The following FMN1 variants were observed in gnomAD, a reference collection of about 807,000 sequenced individuals.
FMN1 encodes the protein formin 1, also known as formin-1.
Under a neutral mutation model 132.4 loss-of-function variants are expected in FMN1, and 110 were observed. The ratio of observed to expected loss-of-function variants is 0.83; its 90% CI spans 0.71 to 0.97. FMN1 has a LOEUF of 0.97. Among genes scored for constraint, FMN1 ranks in the 50% least tolerant of loss-of-function variants. FMN1 has a pLI of 0.00. For synonymous variants in FMN1, 722 were observed against 651.7 expected, an observed-to-expected ratio of 1.11 and a Z score of -1.64; for missense variants, 1,792 against 1,705.3, an observed-to-expected ratio of 1.05 and a Z score of -0.90.
chr15:32,891,079 T>C (rs2060016534), intron 15 of FMN1, among the ~76,000 whole-genome samples: 1 of 152,214 alleles, frequency 6.6e-6, no homozygotes, highest in South Asian at 2.1e-4. Context: ...GGTTTTCTGT[T>C]CTGTTCCATT....
chr15:32,919,011 G>A (rs1356553063), intron 10 of FMN1, among the ~76,000 whole-genome samples: 2 of 152,118 alleles, frequency 1.3e-5, no homozygotes, highest in Admixed American at 1.3e-4. Context: ...AAAAAATTTA[G>A]CTCTACCTAT....
intron 17 of FMN1, among the ~76,000 whole-genome samples, chr15:32,851,487 G>C (rs995017365): frequency 1.7e-4 from 26 of 152,128 alleles, no homozygotes; most frequent in Non-Finnish European, 3.5e-4. Flanking sequence ...GGGAAAGCAG[G>C]AGCTCACAAA....
chr15:33,113,824 G>A (rs984669626), intron 4 of FMN1, among the ~76,000 whole-genome samples: 11 of 152,152 alleles, frequency 7.2e-5, no homozygotes, highest in African/African-American at 1.9e-4. Flanking sequence ...GGCCCCTGAG[G>A]TACCAGCACA....
chr15:33,181,130 A>T (rs1408659027), intron 2 of FMN1, among the ~76,000 whole-genome samples: 2 of 151,968 alleles, frequency 1.3e-5, no homozygotes, highest in Non-Finnish European at 2.9e-5. Context: ...TGATTTTTCC[A>T]GCTTAATTTT....
chr15:32,982,403 C>G (rs2032751041), intron 7 of FMN1, among the ~76,000 whole-genome samples: 1 of 152,172 alleles, frequency 6.6e-6, no homozygotes, highest in African/African-American at 2.4e-5. Flanking sequence ...AACTATCGAT[C>G]CCACTCCTAC....
intron 4 of FMN1, among the ~76,000 whole-genome samples, chr15:33,124,564 G>A (rs1017074866): frequency 5.3e-5 from 8 of 152,158 alleles, no homozygotes; most frequent in African/African-American, 1.9e-4. Context: ...AGTCATCGGA[G>A]TAGGAAAGCC....
chr15:32,924,238 G>A (rs1276842150), intron 10 of FMN1, among the ~76,000 whole-genome samples: 2 of 151,992 alleles, frequency 1.3e-5, no homozygotes, highest in Admixed American at 6.6e-5. Context: ...CTGTATCTGA[G>A]GTTTCATATT....
intron 12 of FMN1, among the ~76,000 whole-genome samples, chr15:32,902,479 C>A (rs1340169540): frequency 8.4e-6 from 1 of 119,198 alleles, no homozygotes; most frequent in African/African-American, 4.2e-5. Context: ...TGTCTACAGA[C>A]AAGTGATTTA....
chr15:33,072,095 C>A (rs552861751), intron 5 of FMN1, among the ~76,000 whole-genome samples: 2 of 152,064 alleles, frequency 1.3e-5, no homozygotes, highest in Non-Finnish European at 2.9e-5. Flanking sequence ...AACAAAAAAA[C>A]AACCTTATAC....
intron 17 of FMN1, among the ~76,000 whole-genome samples, chr15:32,855,318 T>C (rs529768246): frequency 1.3e-5 from 2 of 152,084 alleles, no homozygotes; most frequent in African/African-American, 4.8e-5. Context: ...AGAACCACTG[T>C]TTTAGGACTT....
chr15:33,168,255 A>G (rs1965184900), intron 3 of FMN1, among the ~76,000 whole-genome samples: 1 of 152,204 alleles, frequency 6.6e-6, no homozygotes, highest in Admixed American at 6.5e-5. Context: ...GAAATAATGA[A>G]TCTGTTATGG....
chr15:32,869,304 G>A (rs1031021055), intron 16 of FMN1, among the ~76,000 whole-genome samples: 4 of 152,102 alleles, frequency 2.6e-5, no homozygotes, highest in African/African-American at 9.7e-5. Flanking sequence ...TCAGGTGAAC[G>A]GTGAAAAGGC....
rs2038255178 is a variant in FMN1, at chr15:33,077,366, TA to T, written c.2043+11432del. Among the ~76,000 whole-genome samples the T allele has an allele frequency of 2.1e-5, 2 of 94,628 alleles. 1 individual carries two copies. The highest frequency in any genetic ancestry group is 6.2e-5 in the African/African-American group (2 of 32,506). The allele number at this position is 94,628 out of a possible 152,430, so 62.1% of individuals were successfully genotyped here. A position where few individuals can be genotyped will look rare whatever the true frequency, so the allele number is the denominator to read the frequency against. On this transcript the variant is annotated intron_variant, in intron 5 of 20. Transcript: ENST00000616417. ...TTTTTTTTTTTTTAATATATATATA[TA>T]TATTTTTTTTATTATACTTTAAGTT... is the stretch of plus-strand genomic sequence containing the variant.
At chr15:33,057,614 C>T (rs2037277229) in intron 6 of FMN1, among the ~76,000 whole-genome samples, 1 of 152,162 alleles carries the variant, frequency 6.6e-6, no homozygotes, top group Non-Finnish European at 1.5e-5. Flanking sequence ...TGCTCAAACC[C>T]ATGAACCCCT....
At chr15:32,960,570 G>A (rs868402684) in intron 9 of FMN1, among the ~76,000 whole-genome samples, 40 of 152,060 alleles carry the variant, frequency 2.6e-4, no homozygotes, top group African/African-American at 8.7e-4. Flanking sequence ...GAAGTCAGTG[G>A]GAAAATCTGA....
intron 14 of FMN1, chr15:32,899,669 C>G (rs1256253526): frequency 5.4e-6 from 2 of 369,032 alleles, no homozygotes; most frequent in Non-Finnish European, 9.7e-6. Context: ...TTTGCAGGAT[C>G]CTGGTACTGT....
chr15:32,968,996 G>T lies in FMN1; in HGVS notation c.2705C>A (p.Pro902Gln). 4.4e-6 allele frequency: 5 copies of T among 1,131,560 alleles called. No individual in the cohort carries two copies. Among genetic ancestry groups the T allele is most frequent in the Non-Finnish European group, 6.4e-6 (5 of 786,524 alleles). 70.1% of individuals were successfully genotyped at this position (1,131,560 alleles called of 1,614,324 possible). The change falls in exon 8 of 21, where the codon CCG becomes CAG. Residue 902 changes from proline (P) to glutamine (Q), a missense_variant. Physicochemically the swap from Pro to Gln is moderately conservative, Grantham distance 76. Around this residue, in one of 3 missense-constraint regions of FMN1, gnomAD observed 1,150 missense variants for 1,043.1 expected, o/e 1.10. Coordinates refer to ENST00000616417, the MANE Select transcript of FMN1 (RefSeq NM_001277313.2). ...PPMPPVSAGP[P>Q]LPPPPPPPPP... ...CGGTGGAGGAGGCGGAGGTGGTAGC[G>T]GTGGCCCAGCACTCACAGGTGGCAT...
intron 4 of FMN1, among the ~76,000 whole-genome samples, chr15:33,090,507 CA>C (rs1229449562): frequency 1.3e-5 from 2 of 152,118 alleles, no homozygotes; most frequent in Non-Finnish European, 2.9e-5. Context: ...AGGCTGTCCA[CA>C]AAACACCTTT....
Position 32,908,471 on chromosome 15 carries a change from A to G in FMN1, c.3377+19T>C, listed in dbSNP as rs2060479119. On this transcript the variant is annotated intron_variant, in intron 12 of 20. Transcript: ENST00000616417. ...CAGTTCTCCTTTTGGCCTAACAGAAAAATGTTAAGTATCCTTACTGCTCAG... is the reference window on the plus strand; with the variant it reads ...CAGTTCTCCTTTTGGCCTAACAGAAGAATGTTAAGTATCCTTACTGCTCAG... 1 of 1,558,228 alleles carries G rather than the reference A, an allele frequency of 6.4e-7. No individual in the cohort carries two copies. Among genetic ancestry groups the G allele is most frequent in the African/African-American group, 1.4e-5 (1 of 73,642 alleles).
Sources: allele counts gnomAD v4.1 joint callset (sites outside exome capture counted in the v4.1 genomes callset), GRCh38; gene constraint gnomAD v4.1.1; regional missense constraint gnomAD v4.1.1; transcripts MANE v1.5; gene names NCBI Gene and HGNC (gene_info 2026-07-23, HGNC 2026-07-21).